NAV3: variants seen among roughly 807,000 people sequenced by gnomAD.
NAV3 encodes neuron navigator 3.
NAV3 carries 87 observed loss-of-function variants against 244.7 expected under a neutral mutation model. That is an observed-to-expected ratio of 0.36 (90% confidence interval 0.30 to 0.42). The LOEUF (loss-of-function observed/expected upper bound fraction) is 0.42, where lower values mean the gene tolerates loss of function less well. Ranked by LOEUF, NAV3 falls within the 20% of genes least tolerant of loss-of-function variation. The pLI is 1.00. For synonymous variants in NAV3, 1,126 were observed against 1,042.2 expected, an observed-to-expected ratio of 1.08 and a Z score of -1.55; for missense variants, 2,663 against 2,893.3, an observed-to-expected ratio of 0.92 and a Z score of 1.83.
Position 77,964,969 on chromosome 12 carries a change from A to T in NAV3, c.415-1260A>T, listed in dbSNP as rs184783151. The stretch of plus-strand genomic sequence containing the variant: ...TTCTTGAATCTATTTTTTTCTTTTC[A>T]TTTTCTTTAAGAGACATTTTGACCT... On this transcript the variant is annotated intron_variant, in intron 3 of 39. Transcript: ENST00000397909. Among the ~76,000 whole-genome samples, 499 of 151,856 alleles carry T rather than the reference A, an allele frequency of 3.3e-3. 7 individuals carry two copies. The highest frequency in any genetic ancestry group is 0.03 in the Admixed American group (464 of 15,250).
At chr12:77,956,855 G>T (rs941153113) in intron 3 of NAV3, among the ~76,000 whole-genome samples, 6 of 152,038 alleles carry the variant, frequency 3.9e-5, no homozygotes, top group African/African-American at 1.4e-4. Flanking sequence ...CGAATCTCCT[G>T]CCTCAGCCTC....
intron 2 of NAV3, among the ~76,000 whole-genome samples, chr12:77,685,473 G>GCGCACACACACACACACA (rs1555194535): frequency 2.3e-5 from 1 of 42,596 alleles, no homozygotes; most frequent in African/African-American, 4.8e-5. Context: ...GCATACACAT[G>GCGCACACACACACACACA]CACACACACA....
chr12:78,139,552 A>C (rs1279723613), intron 19 of NAV3, among the ~76,000 whole-genome samples: 2 of 152,186 alleles, frequency 1.3e-5, no homozygotes, highest in Non-Finnish European at 2.9e-5. Flanking sequence ...TAGTAAAAAG[A>C]GGATGAACTT....
chr12:77,961,659 A>ATGTC, intron 3 of NAV3, among the ~76,000 whole-genome samples: 1 of 145,532 alleles, frequency 6.9e-6, no homozygotes, highest in African/African-American at 2.5e-5. Flanking sequence ...ATTACATTAT[A>ATGTC]TATATTACAT....
At chr12:77,960,355 C>T (rs1291080888) in intron 3 of NAV3, among the ~76,000 whole-genome samples, 2 of 151,724 alleles carry the variant, frequency 1.3e-5, no homozygotes, top group South Asian at 2.1e-4. Context: ...TTATAGATCA[C>T]CTAAGTCATA....
chr12:77,712,309 A>G (rs1214824756), intron 2 of NAV3, among the ~76,000 whole-genome samples: 1 of 152,162 alleles, frequency 6.6e-6, no homozygotes, highest in Non-Finnish European at 1.5e-5. Flanking sequence ...ATATCATTCT[A>G]TATTTATTGT....
At chr12:77,666,179 GTTTT>G (rs35767149) in intron 2 of NAV3, among the ~76,000 whole-genome samples, 2 of 119,192 alleles carry the variant, frequency 1.7e-5, no homozygotes, top group African/African-American at 6.4e-5. Context: ...CATGTTTACA[GTTTT>G]TTTTTTTTTT....
At chr12:77,931,845 T>C (rs1888835034) in intron 1 of NAV3, among the ~76,000 whole-genome samples, 1 of 151,866 alleles carries the variant, frequency 6.6e-6, no homozygotes, top group Non-Finnish European at 1.5e-5. Context: ...CCAGCCTGGG[T>C]GACAGAGCAA....
intron 8 of NAV3, among the ~76,000 whole-genome samples, chr12:78,013,822 G>C (rs373885055): frequency 4.6e-5 from 7 of 151,968 alleles, no homozygotes; most frequent in East Asian, 1.9e-4. Flanking sequence ...CTCGAAGGAG[G>C]TTCCAGTTAT....
At chr12:78,027,188 C>A (rs1034187063) in intron 9 of NAV3, among the ~76,000 whole-genome samples, 11 of 151,870 alleles carry the variant, frequency 7.2e-5, no homozygotes, top group Admixed American at 2.6e-4. Flanking sequence ...GGAATAGCAG[C>A]ACTTTAGGAG....
chr12:78,150,325 G>T (rs1236739151), intron 22 of NAV3, among the ~76,000 whole-genome samples: 1 of 151,924 alleles, frequency 6.6e-6, no homozygotes, highest in African/African-American at 2.4e-5. Context: ...ATTACTCAGG[G>T]TTTCATTTTA....
At chr12:77,952,044 G>A (rs1379734199) in intron 3 of NAV3, among the ~76,000 whole-genome samples, 2 of 149,428 alleles carry the variant, frequency 1.3e-5, no homozygotes, top group Non-Finnish European at 3.0e-5. Flanking sequence ...TTGTGCACAG[G>A]TACCCTAGAT....
In NAV3 at chr12:77,903,802, GAAAC is replaced by G. The variant is rs945459529; in HGVS notation, c.244-36510_244-36507del. 1.4e-3 allele frequency among the ~76,000 whole-genome samples: 206 copies of G among 151,914 alleles called. 1 individual carries two copies. The highest frequency in any genetic ancestry group is 4.5e-3 in the African/African-American group (188 of 41,494). On this transcript the variant is annotated intron_variant, in intron 1 of 39. Coordinates refer to ENST00000397909, the MANE Select transcript of NAV3 (RefSeq NM_001024383.2). ...TAAACTCAAACAAATTTACAAGAAA[GAAAC>G]AAACAACCCCATCAAAAAGTGGGTG...
intron 6 of NAV3, among the ~76,000 whole-genome samples, chr12:77,995,637 T>C (rs534507899): frequency 1.4e-4 from 22 of 152,266 alleles, no homozygotes; most frequent in Non-Finnish European, 2.5e-4. Flanking sequence ...TATTATGCAG[T>C]GTTTGACCAC....
chr12:78,153,830 CT>C (rs1466922072), intron 22 of NAV3, among the ~76,000 whole-genome samples: 1 of 151,696 alleles, frequency 6.6e-6, no homozygotes, highest in Non-Finnish European at 1.5e-5. Flanking sequence ...GTTACTCTTG[CT>C]TTTTTGCATC....
At position 77,841,204 on chromosome 12, in the gene NAV3, T is replaced by A. The variant is rs562039454; in HGVS notation, c.243+9500T>A. ...TCTGCCTGGAAAAAAAGTCACTAGA[T>A]GAAAGAGTCATGTAAAAATGTAACA... On this transcript the variant is annotated intron_variant, in intron 1 of 39. Transcript: ENST00000397909. Among the ~76,000 whole-genome samples, 25 of 152,296 alleles carry A rather than the reference T, an allele frequency of 1.6e-4. No homozygotes were observed. The South Asian group carries it at 5.2e-3, about 32-fold the overall frequency.
intron 5 of NAV3, among the ~76,000 whole-genome samples, chr12:77,982,785 G>A (rs534381527): frequency 6.4e-4 from 97 of 152,284 alleles, no homozygotes; most frequent in African/African-American, 2.3e-3. Flanking sequence ...TCACAAACTG[G>A]TGAGAGACAG....
chr12:77,963,046 A>G (rs1892166282), intron 3 of NAV3, among the ~76,000 whole-genome samples: 1 of 152,180 alleles, frequency 6.6e-6, no homozygotes, highest in South Asian at 2.1e-4. Flanking sequence ...TTCAAATAAT[A>G]ATGAAGGAAA....
intron 2 of NAV3, among the ~76,000 whole-genome samples, chr12:77,713,446 T>C (rs1876217505): frequency 6.6e-6 from 1 of 152,220 alleles, no homozygotes; most frequent in African/African-American, 2.4e-5. Flanking sequence ...ACATAATGAA[T>C]ACTTTTCTTA....
Sources: gnomAD v4.1 joint callset for allele counts (sites outside exome capture counted in the v4.1 genomes callset) on GRCh38, gnomAD v4.1.1 for gene constraint, MANE v1.5 for transcripts, NCBI Gene and HGNC (gene_info 2026-07-23, HGNC 2026-07-21) for gene names.